Variants in SH3RF1 observed in about 807,000 individuals in gnomAD.
SH3RF1 encodes SH3 domain containing ring finger 1.
SH3RF1 carries 32 observed loss-of-function variants against 74.0 expected under a neutral mutation model. That is an observed-to-expected ratio of 0.43 (90% CI 0.33 to 0.58). The LOEUF (loss-of-function observed/expected upper bound fraction) is 0.58. Among genes scored for constraint, SH3RF1 ranks in the 20% least tolerant of loss-of-function variants. SH3RF1 has a pLI of 0.05. For missense variants in SH3RF1, 954 were observed against 1,130.9 expected (o/e 0.84, Z 2.24); for synonymous variants, 396 against 439.6 (o/e 0.90, Z 1.24).
intron 2 of SH3RF1, 62 bp from the exon 3 acceptor site, chr4:169,156,741 T>C: frequency 6.9e-7 from 1 of 1,449,096 alleles, no homozygotes; most frequent in South Asian, 1.4e-5. Flanking sequence ...TCTCTGAAAA[T>C]ACAACTGCGT....
At chr4:169,121,609 T>C (rs1387277349) in intron 7 of SH3RF1, among the ~76,000 whole-genome samples, 1 of 152,216 alleles carries the variant, frequency 6.6e-6, no homozygotes, top group Admixed American at 6.5e-5. Context: ...CATTAACCTA[T>C]AGTTCTTACC....
At chr4:169,185,545 C>A (rs1461467546) in intron 2 of SH3RF1, among the ~76,000 whole-genome samples, 2 of 152,064 alleles carry the variant, frequency 1.3e-5, no homozygotes, top group African/African-American at 4.8e-5. Context: ...CTGCTACACC[C>A]ACAAAGCTGG....
At chr4:169,170,308 AAATC>A (rs1734304684) in intron 2 of SH3RF1, among the ~76,000 whole-genome samples, 1 of 152,210 alleles carries the variant, frequency 6.6e-6, no homozygotes, top group African/African-American at 2.4e-5. Context: ...ATAGCAAAGA[AAATC>A]AAGCAAGAGC....
At chr4:169,177,791 T>C (rs994195078) in intron 2 of SH3RF1, among the ~76,000 whole-genome samples, 17 of 152,160 alleles carry the variant, frequency 1.1e-4, no homozygotes, top group Non-Finnish European at 1.9e-4. Flanking sequence ...AAAGATCTTA[T>C]ATGTAGGTAA....
chr4:169,192,511 AC>A (rs1734736842), intron 2 of SH3RF1, among the ~76,000 whole-genome samples: 1 of 152,170 alleles, frequency 6.6e-6, no homozygotes, highest in African/African-American at 2.4e-5. Context: ...GCTGCAGTGA[AC>A]AAGGAACACT....
chr4:169,111,184 C>T (rs1240958918), intron 10 of SH3RF1, among the ~76,000 whole-genome samples: 1 of 150,926 alleles, frequency 6.6e-6, no homozygotes, highest in Non-Finnish European at 1.5e-5. Context: ...TGCCTGTAGT[C>T]CCACTACTTG....
intron 2 of SH3RF1, among the ~76,000 whole-genome samples, chr4:169,211,481 CAAAAAA>C (rs760721489): frequency 1.1e-5 from 1 of 90,976 alleles, no homozygotes; most frequent in Non-Finnish European, 2.1e-5. Flanking sequence ...GACTCCGTCT[CAAAAAA>C]AAAAAAAAAA....
intron 8 of SH3RF1, 120 bp from the exon 9 acceptor site, chr4:169,117,902 G>C (rs1733364948): frequency 2.5e-6 from 3 of 1,215,674 alleles, no homozygotes; most frequent in Non-Finnish European, 3.4e-6. Flanking sequence ...AAAATGAATG[G>C]AATTATTTTT....
chr4:169,239,180 A>G (rs1288353846), intron 2 of SH3RF1, among the ~76,000 whole-genome samples: 3 of 152,172 alleles, frequency 2.0e-5, no homozygotes, highest in Non-Finnish European at 4.4e-5. Flanking sequence ...CCTTTTCACA[A>G]TATGTGGATA....
At chr4:169,174,177 T>C (rs1249126090) in intron 2 of SH3RF1, among the ~76,000 whole-genome samples, 2 of 152,222 alleles carry the variant, frequency 1.3e-5, no homozygotes, top group Admixed American at 6.5e-5. Context: ...ATCCTCTCTC[T>C]TCAGCCCCTC....
At chr4:169,149,430 T>C (rs376943048) in intron 4 of SH3RF1, among the ~76,000 whole-genome samples, 3 of 152,218 alleles carry the variant, frequency 2.0e-5, no homozygotes, top group African/African-American at 7.2e-5. Context: ...TCAGAAGATA[T>C]GAAAACCTAC....
chr4:169,122,790 T>C (rs76329757), intron 6 of SH3RF1, among the ~76,000 whole-genome samples: 1,809 of 152,326 alleles, frequency 0.012, 42 homozygotes, highest in African/African-American at 0.041. Flanking sequence ...CCACAGTCAC[T>C]GGACCATTGT....
intron 11 of SH3RF1, among the ~76,000 whole-genome samples, chr4:169,098,398 A>G (rs544700180): frequency 6.6e-6 from 1 of 152,290 alleles, no homozygotes; most frequent in East Asian, 1.9e-4. Flanking sequence ...CTGTCCCCAA[A>G]CTTCTGAAAC....
intron 2 of SH3RF1, among the ~76,000 whole-genome samples, chr4:169,159,641 C>G (rs1011021330): frequency 6.6e-6 from 1 of 152,182 alleles, no homozygotes; most frequent in East Asian, 1.9e-4. Flanking sequence ...AATGACCCAG[C>G]AGGCAGTACA....
At chr4:169,265,257 C>T (rs944141126) in intron 2 of SH3RF1, among the ~76,000 whole-genome samples, 4 of 152,072 alleles carry the variant, frequency 2.6e-5, no homozygotes, top group African/African-American at 9.7e-5. Context: ...GTGTAGTGCC[C>T]GGCACCTAAT....
At chr4:169,098,613 T>C (rs1278818090) in intron 11 of SH3RF1, among the ~76,000 whole-genome samples, 1 of 152,214 alleles carries the variant, frequency 6.6e-6, no homozygotes. Context: ...GCACAGAAGT[T>C]GGCTTATCAT....
chr4:169,136,815 G>A (rs538634165), intron 4 of SH3RF1, among the ~76,000 whole-genome samples, 195 bp from the exon 5 acceptor site: 1 of 152,266 alleles, frequency 6.6e-6, no homozygotes, highest in South Asian at 2.1e-4. Context: ...ATCACAGGTA[G>A]ATATTAAATC....
chr4:169,149,292 G>A (rs766248782), intron 4 of SH3RF1, among the ~76,000 whole-genome samples: 21 of 152,088 alleles, frequency 1.4e-4, no homozygotes, highest in African/African-American at 3.4e-4. Context: ...TTAAACAGCC[G>A]TTCCTGGAGC....
chr4:169,180,602 C>T (rs1579123194), intron 2 of SH3RF1, among the ~76,000 whole-genome samples: 1 of 152,222 alleles, frequency 6.6e-6, no homozygotes, highest in African/African-American at 2.4e-5. Flanking sequence ...CTTGGGGTTC[C>T]CCTACCCGCT....
Sources: allele counts gnomAD v4.1 joint callset (sites outside exome capture counted in the v4.1 genomes callset), GRCh38; gene constraint gnomAD v4.1.1; transcripts MANE v1.5; gene names NCBI Gene and HGNC (gene_info 2026-07-23, HGNC 2026-07-21).